GLP2R: variants seen among roughly 807,000 people sequenced by gnomAD.
GLP2R encodes glucagon-like peptide 2 receptor.
GLP2R carries 59 observed loss-of-function variants against 68.2 expected under a neutral mutation model. The observed-to-expected ratio is 0.87, with a 90% confidence interval of 0.70 to 1.07. GLP2R has a LOEUF of 1.07. GLP2R is among the 50% of genes least tolerant of loss of function. The pLI, the probability that GLP2R is intolerant of heterozygous loss-of-function variation, is 0.00. For synonymous variants in GLP2R, 270 were observed against 265.4 expected, an observed-to-expected ratio of 1.02 and a Z score of -0.17; for missense variants, 548 against 677.4, an observed-to-expected ratio of 0.81 and a Z score of 2.12.
At chr17:9,876,620 C>T (rs976664117) in intron 10 of GLP2R, among the ~76,000 whole-genome samples, 8 of 152,166 alleles carry the variant, frequency 5.3e-5, no homozygotes, top group African/African-American at 1.9e-4. Flanking sequence ...GTCAGAAAAT[C>T]CTTCCTAGGT....
At chr17:9,857,277 C>T (rs192349114) in intron 5 of GLP2R, 146 bp from the exon 6 acceptor site, 175 of 688,214 alleles carry the variant, frequency 2.5e-4, no homozygotes, top group African/African-American at 2.4e-3. Flanking sequence ...CAGAGATTTA[C>T]GGTCACATAA....
intron 9 of GLP2R, among the ~76,000 whole-genome samples, chr17:9,869,240 C>G (rs1567732654): frequency 1.3e-5 from 2 of 152,350 alleles, no homozygotes; most frequent in East Asian, 3.9e-4. Context: ...CTCACCCAAT[C>G]CATTCTCCAC....
chr17:9,867,530 C>T (rs1158737908), intron 9 of GLP2R, among the ~76,000 whole-genome samples: 1 of 152,192 alleles, frequency 6.6e-6, no homozygotes, highest in East Asian at 1.9e-4. Flanking sequence ...CACTACTTCA[C>T]CTGTCATCTG....
intron 1 of GLP2R, among the ~76,000 whole-genome samples, chr17:9,830,785 C>T (rs1301963599): frequency 6.6e-6 from 1 of 152,154 alleles, no homozygotes; most frequent in Non-Finnish European, 1.5e-5. Context: ...GATGTTGTCT[C>T]TTTGCAAAGC....
intron 2 of GLP2R, chr17:9,834,427 C>T (rs190175544): frequency 1.1e-3 from 170 of 161,668 alleles, no homozygotes; most frequent in Middle Eastern, 6.4e-3. Flanking sequence ...GTGGGGGGCG[C>T]GGGTCTCCCA....
intron 7 of GLP2R, among the ~76,000 whole-genome samples, chr17:9,860,340 G>A (rs549032200): frequency 6.6e-6 from 1 of 152,332 alleles, no homozygotes; most frequent in Non-Finnish European, 1.5e-5. Context: ...GTCTTTGGTG[G>A]AATCTGATGA....
chr17:9,836,606 T>C lies in GLP2R; in HGVS notation c.382+131T>C, dbSNP rs1158249414. On this transcript the variant is annotated intron_variant, in intron 3 of 12. Transcript: ENST00000262441. ...CTGTAATTTTTCTATTCCTGGATGT[T>C]CCATTTATTTTTATGTATGTATGTA... 4.0e-5 allele frequency: 24 copies of C among 600,948 alleles called. No individual in the cohort carries two copies. In the East Asian group the frequency reaches 5.4e-4, roughly 13 times the overall value. The allele number at this position is 600,948 out of a possible 1,614,324, so 37.2% of individuals were successfully genotyped here.
intron 9 of GLP2R, among the ~76,000 whole-genome samples, chr17:9,863,854 T>G (rs1267837337): frequency 1.3e-5 from 2 of 152,194 alleles, no homozygotes; most frequent in Non-Finnish European, 2.9e-5. Context: ...CATGTTCTGA[T>G]CATCCTGGCA....
chr17:9,872,752 C>T lies in GLP2R; in HGVS notation c.1145+1917C>T, dbSNP rs1189299781. ...TAGGCAAGTGCCTTGGCCCCTTTGG[C>T]CTGCTTTCTGGTGTGTAAAAATGGG... is the stretch of plus-strand genomic sequence containing the variant. On this transcript the variant is annotated intron_variant, in intron 10 of 12. Coordinates refer to ENST00000262441, the MANE Select transcript of GLP2R (RefSeq NM_004246.3). Among the ~76,000 whole-genome samples, 5 of 152,122 alleles carry T rather than the reference C, an allele frequency of 3.3e-5. No homozygotes were observed. The East Asian group carries it at 5.8e-4, about 18-fold the overall frequency.
At chr17:9,888,130 G>C (rs539600980) in intron 12 of GLP2R, among the ~76,000 whole-genome samples, 157 bp downstream of exon 12, 1 of 152,334 alleles carries the variant, frequency 6.6e-6, no homozygotes, top group Admixed American at 6.5e-5. Context: ...CCGGTACAGA[G>C]AGCAGGAGGC....
chr17:9,869,634 G>A (rs1414185189), intron 9 of GLP2R, among the ~76,000 whole-genome samples: 2 of 152,118 alleles, frequency 1.3e-5, no homozygotes, highest in East Asian at 3.9e-4. Context: ...GCTGGTTTTG[G>A]GCCTGAGAAC....
In GLP2R at chr17:9,887,977, T is replaced by G; in HGVS notation, c.1326+4T>G. The G allele has an allele frequency of 6.2e-7, 1 of 1,606,380 alleles. No individual in the cohort carries two copies. On this transcript the variant is annotated splice_donor_region_variant and intron_variant, in intron 12 of 12. Coordinates refer to ENST00000262441, the MANE Select transcript of GLP2R (RefSeq NM_004246.3). ...GTATGGTTTTGCCAATGGAGAGGTA[T>G]GATTTCCACGTTGCCATCCTGGTTT...
intron 10 of GLP2R, among the ~76,000 whole-genome samples, chr17:9,874,054 A>T (rs557558635): frequency 8.7e-4 from 132 of 152,324 alleles, no homozygotes; most frequent in Non-Finnish European, 1.4e-3. Context: ...GTATTATAAG[A>T]TAGACCAAAA....
intron 10 of GLP2R, among the ~76,000 whole-genome samples, chr17:9,876,230 G>A (rs911121014): frequency 3.3e-5 from 5 of 152,150 alleles, no homozygotes; most frequent in African/African-American, 9.7e-5. Context: ...AGGACTTTCT[G>A]ATAGGCAATG....
At chr17:9,878,793 G>A (rs1213667140) in intron 10 of GLP2R, among the ~76,000 whole-genome samples, 1 of 152,144 alleles carries the variant, frequency 6.6e-6, no homozygotes, top group Non-Finnish European at 1.5e-5. Flanking sequence ...GTAAGCTCTT[G>A]TTCTCGTACA....
intron 9 of GLP2R, among the ~76,000 whole-genome samples, chr17:9,864,372 C>A (rs1470687821): frequency 6.6e-6 from 1 of 152,168 alleles, no homozygotes; most frequent in Non-Finnish European, 1.5e-5. Flanking sequence ...TTTGTCTACT[C>A]CTGGAGTTCT....
chr17:9,856,045 A>G (rs2152038229), intron 5 of GLP2R, among the ~76,000 whole-genome samples: 1 of 152,326 alleles, frequency 6.6e-6, no homozygotes, highest in East Asian at 1.9e-4. Flanking sequence ...GGGCTCTGCT[A>G]GCCCTGGGTT....
chr17:9,873,843 T>C (rs1350245651), intron 10 of GLP2R, among the ~76,000 whole-genome samples: 1 of 152,040 alleles, frequency 6.6e-6, no homozygotes, highest in Non-Finnish European at 1.5e-5. Context: ...CCAACGAAAA[T>C]GGCAGGGAAA....
At chr17:9,889,173 G>A (rs935458383) in intron 12 of GLP2R, among the ~76,000 whole-genome samples, 197 bp from the exon 13 acceptor site, 3 of 152,084 alleles carry the variant, frequency 2.0e-5, no homozygotes, top group African/African-American at 4.8e-5. Flanking sequence ...TTTCTTTACC[G>A]TATTGTCCTG....
Sources: gnomAD v4.1 joint callset for allele counts (sites outside exome capture counted in the v4.1 genomes callset) on GRCh38, gnomAD v4.1.1 for gene constraint, MANE v1.5 for transcripts, NCBI Gene and HGNC (gene_info 2026-07-23, HGNC 2026-07-21) for gene names.